Variants in EIF4A2 observed in about 807,000 individuals in gnomAD.
EIF4A2 encodes eukaryotic translation initiation factor 4A2, also known as eukaryotic initiation factor 4A-II.
A neutral mutation model predicts 50.6 loss-of-function variants in EIF4A2; 9 were observed. The ratio of observed to expected loss-of-function variants is 0.18; its 90% confidence interval spans 0.11 to 0.31. The LOEUF (loss-of-function observed/expected upper bound fraction) is 0.31, where lower values mean the gene tolerates loss of function less well. EIF4A2 is among the 10% of genes least tolerant of loss of function. EIF4A2 has a pLI of 1.00. For missense variants in EIF4A2, 182 were observed against 501.8 expected, an observed-to-expected ratio of 0.36 and a Z score of 6.09; for synonymous variants, 215 against 164.4, an observed-to-expected ratio of 1.31 and a Z score of -2.35.
chr3:186,786,632 A>G lies in EIF4A2; in HGVS notation c.758A>G (p.Asn253Ser). ...GAAGGAATCAAACAGTTTTATATTA[A>G]TGTTGAGAGAGAGGTAACTGTCTGA... is the stretch of plus-strand genomic sequence containing the variant. ...TLEGIKQFYINVEREEWKLDT... is the reference protein window; with the variant it reads ...TLEGIKQFYISVEREEWKLDT... Residue 253 changes from asparagine (N) to serine (S), a missense_variant, in exon 7 of 11, where the codon AAT (asparagine) becomes AGT (serine). By Grantham distance (46) the Asn-to-Ser change is conservative. Around this residue, in one of 7 missense-constraint regions of EIF4A2, gnomAD observed 113 missense variants for 357.3 expected, o/e 0.32. Coordinates refer to ENST00000323963, the MANE Select transcript of EIF4A2 (RefSeq NM_001967.4). 6.2e-7 allele frequency: 1 copy of G among 1,613,976 alleles called. No homozygotes were observed. Among genetic ancestry groups the G allele is most frequent in the Non-Finnish European group, 8.5e-7 (1 of 1,179,926 alleles).
At chr3:186,783,752 G>T in intron 1 of EIF4A2, 113 bp downstream of exon 1, 1 of 1,535,944 alleles carries the variant, frequency 6.5e-7, no homozygotes, top group Admixed American at 1.7e-5. Flanking sequence ...TTTTCTTAGG[G>T]TACAGCACTC....
chr3:186,788,234 A>T (rs1206768800), intron 10 of EIF4A2: 1 of 1,222,698 alleles, frequency 8.2e-7, no homozygotes. Flanking sequence ...TGGTTTAGTT[A>T]TAGTGGCTTT....
At chr3:186,784,038 G>A (rs934359873) in intron 1 of EIF4A2, 38 of 422,226 alleles carry the variant, frequency 9.0e-5, no homozygotes, top group Non-Finnish European at 1.5e-4. Context: ...AAGGGTTGGA[G>A]GCAGCGGTCT....
intron 10 of EIF4A2, chr3:186,788,353 G>A (rs1359452403): frequency 1.6e-5 from 21 of 1,289,864 alleles, no homozygotes; most frequent in African/African-American, 3.0e-5. Flanking sequence ...CTCAGAAACG[G>A]CGTTGACGTA....
In EIF4A2 at chr3:186,787,712, C is replaced by T. The variant is rs745394909; in HGVS notation, c.1000-91C>T. 13 of 1,571,288 alleles carry T rather than the reference C, an allele frequency of 8.3e-6. No individual in the cohort carries two copies. The East Asian group carries it at 2.9e-4, about 35-fold the overall frequency. The stretch of plus-strand genomic sequence containing the variant: ...GACCACACTCCACAGTGGGCTATAC[C>T]ACTTAGTATAGTTCGCTACTATTTT... On this transcript the variant is annotated intron_variant, in intron 9 of 10. Transcript: ENST00000323963.
chr3:186,787,450 C>T, intron 8 of EIF4A2, 45 bp from the exon 9 acceptor site: 1 of 1,611,556 alleles, frequency 6.2e-7, no homozygotes, highest in East Asian at 2.2e-5. Flanking sequence ...AAATTAAATA[C>T]CGACCTGACT....
chr3:186,785,208 T>C, intron 4 of EIF4A2, 107 bp downstream of exon 4: 1 of 1,489,880 alleles, frequency 6.7e-7, no homozygotes, highest in Non-Finnish European at 9.0e-7. Context: ...ACCAGATCCC[T>C]CCTTTTAATT....
intron 1 of EIF4A2, 181 bp downstream of exon 1, chr3:186,783,820 C>A: frequency 2.1e-6 from 2 of 961,734 alleles, no homozygotes; most frequent in Non-Finnish European, 3.1e-6. Flanking sequence ...GGAGATAGGA[C>A]GGTGGTGCGA....
intron 3 of EIF4A2, 90 bp downstream of exon 3, chr3:186,784,786 GTATTCC>G: frequency 1.2e-6 from 2 of 1,605,070 alleles, no homozygotes; most frequent in Non-Finnish European, 1.7e-6. Flanking sequence ...GCACCTGTTT[GTATTCC>G]TTAAAGTGAA....
rs1354091 is a variant in EIF4A2, at chr3:186,788,111, T to A, written c.1079+229T>A. ...GGGTTTTTTTCCACAATTGTTGGTCTTACCTTATGCTTGAGCTTTTAGTGA... is the reference window on the plus strand; with the variant it reads ...GGGTTTTTTTCCACAATTGTTGGTCATACCTTATGCTTGAGCTTTTAGTGA... On this transcript the variant is annotated intron_variant, in intron 10 of 10. Coordinates refer to ENST00000323963, the MANE Select transcript of EIF4A2 (RefSeq NM_001967.4). 2.1e-5 allele frequency: 14 copies of A among 674,260 alleles called. No homozygotes were observed. In the East Asian group the frequency reaches 3.6e-4, roughly 17 times the overall value. 41.8% of individuals were successfully genotyped at this position (674,260 alleles called of 1,614,324 possible).
At chr3:186,784,525 C>A (rs547805544) in intron 2 of EIF4A2, 39 bp from the exon 3 acceptor site, 26 of 1,614,128 alleles carry the variant, frequency 1.6e-5, no homozygotes, top group Middle Eastern at 1.6e-4. Context: ...TGAGTGTGTT[C>A]ATCTCATTTA....
chr3:186,784,284 G>C, intron 1 of EIF4A2, 148 bp from the exon 2 acceptor site: 4 of 1,163,312 alleles, frequency 3.4e-6, no homozygotes, highest in Non-Finnish European at 4.9e-6. Flanking sequence ...TAGGGAAGGC[G>C]CACAGTGTGG....
chr3:186,786,758 CAAG>C (rs1232279858), intron 7 of EIF4A2, 113 bp downstream of exon 7: 32 of 1,418,342 alleles, frequency 2.3e-5, no homozygotes, highest in Admixed American at 3.4e-5. Flanking sequence ...AGAGTACACA[CAAG>C]AAGAAAAGTA....
intron 1 of EIF4A2, chr3:186,784,027 G>A (rs1291852170): frequency 2.4e-6 from 1 of 414,622 alleles, no homozygotes; most frequent in Non-Finnish European, 4.4e-6. Flanking sequence ...TTTACTTGGG[G>A]AAGGGTTGGA....
chr3:186,785,394 A>G (rs1721632971), intron 4 of EIF4A2: 1 of 437,364 alleles, frequency 2.3e-6, no homozygotes, highest in Non-Finnish European at 4.1e-6. Context: ...CTGCAGTGAC[A>G]TGTTACCATT....
rs1350715504 is a variant in EIF4A2 at position 186,789,460 on chromosome 3, CT to C, written c.*194del. 2.7e-5 allele frequency: 18 copies of C among 668,872 alleles called. No homozygotes were observed. In the South Asian group the frequency reaches 5.2e-4, roughly 19 times the overall value. The allele number at this position is 668,872 out of a possible 1,614,324, so 41.4% of individuals were successfully genotyped here. A position where few individuals can be genotyped will look rare whatever the true frequency, so the allele number is the denominator to read the frequency against. ...TGAGGAAAGTCATTGGCTTTATCCT[CT>C]TTAGAGTTAGACTGTTGGGGTGGGT... On this transcript the variant is annotated 3_prime_UTR_variant, in exon 11 of 11. Transcript: ENST00000323963.
rs1437799490 is a variant in EIF4A2 at position 186,789,839 on chromosome 3, CAT to C, written c.*573_*574del. ...AGGGTTTAATCCCCAGTAAAATTGCCATATTGCACATGTCTTAATGAAGTTTG... is the reference window on the plus strand; with the variant it reads ...AGGGTTTAATCCCCAGTAAAATTGCCATTGCACATGTCTTAATGAAGTTTG... On this transcript the variant is annotated 3_prime_UTR_variant, in exon 11 of 11. Transcript: ENST00000323963. The C allele has an allele frequency of 1.5e-6, 1 of 673,380 alleles. No homozygotes were observed. Among genetic ancestry groups the C allele is most frequent in the Non-Finnish European group, 2.5e-6 (1 of 399,340 alleles). The allele number at this position is 673,380 out of a possible 1,614,324, so 41.7% of individuals were successfully genotyped here. A position where few individuals can be genotyped will look rare whatever the true frequency, so the allele number is the denominator to read the frequency against.
At chr3:186,784,871 T>C (rs767433110) in intron 3 of EIF4A2, 91 bp from the exon 4 acceptor site, 1 of 1,608,370 alleles carries the variant, frequency 6.2e-7, no homozygotes, top group Non-Finnish European at 8.5e-7. Context: ...ACTTGATTAT[T>C]TGGGCATAAT....
intron 8 of EIF4A2, 30 bp downstream of exon 8, chr3:186,787,294 C>T (rs1300739702): frequency 6.2e-7 from 1 of 1,613,986 alleles, no homozygotes. Flanking sequence ...GTCTGGATTT[C>T]CACTAAAGCA....
Sources: gnomAD v4.1 joint callset for allele counts on GRCh38, gnomAD v4.1.1 for gene constraint, gnomAD v4.1.1 regional missense constraint, MANE v1.5 for transcripts, NCBI Gene and HGNC (gene_info 2026-07-23, HGNC 2026-07-21) for gene names.